Variants in ACSM2A observed in about 807,000 individuals in gnomAD.
The protein encoded by ACSM2A is acyl-CoA synthetase medium chain family member 2A.
ACSM2A carries 72 observed loss-of-function variants against 76.6 expected under a neutral mutation model. That is an observed-to-expected ratio of 0.94 (90% confidence interval 0.78 to 1.14). The LOEUF (loss-of-function observed/expected upper bound fraction) is 1.14. Among genes scored for constraint, ACSM2A ranks in the 50% most tolerant of loss-of-function variants. ACSM2A has a pLI of 0.00. For missense variants in ACSM2A, 684 were observed against 708.5 expected, an observed-to-expected ratio of 0.97 and a Z score of 0.39; for synonymous variants, 249 against 255.9, an observed-to-expected ratio of 0.97 and a Z score of 0.26.
chr16:20,483,284 T>C (rs1473217473), intron 13 of ACSM2A, 107 bp downstream of exon 13: 2 of 1,517,826 alleles, frequency 1.3e-6, no homozygotes, highest in Non-Finnish European at 1.8e-6. Flanking sequence ...TAAAAAGTCT[T>C]CCTGGCTGGG....
intron 8 of ACSM2A, chr16:20,476,439 T>C (rs759436873): frequency 8.2e-5 from 81 of 985,450 alleles, no homozygotes; most frequent in Non-Finnish European, 7.7e-5. Context: ...CTTCTTTGGC[T>C]AATGAGTACC....
At chr16:20,478,252 G>C (rs1634308) in intron 9 of ACSM2A, among the ~76,000 whole-genome samples, 57,297 of 151,964 alleles carry the variant, frequency 0.38, 12,163 homozygotes, top group East Asian at 0.79. Context: ...TTTGAGTTTT[G>C]ATCTGCCCGA....
intron 6 of ACSM2A, among the ~76,000 whole-genome samples, chr16:20,474,514 C>G (rs575114875): frequency 1.3e-5 from 2 of 152,236 alleles, no homozygotes; most frequent in East Asian, 1.9e-4. Context: ...CTTTCCAGCC[C>G]CTAGAACTGC....
intron 5 of ACSM2A, 57 bp downstream of exon 5, chr16:20,471,273 G>T (rs1324885418): frequency 1.9e-6 from 3 of 1,581,840 alleles, no homozygotes; most frequent in African/African-American, 2.7e-5. Context: ...GTTAGAAGGA[G>T]AATGAGACCC....
rs1349920050 is a variant in ACSM2A at position 20,473,676 on chromosome 16, C to T, written c.895-1686C>T. Among the ~76,000 whole-genome samples the T allele has an allele frequency of 2.6e-5, 4 of 152,136 alleles. No individual in the cohort carries two copies. The South Asian group carries it at 6.2e-4, about 24-fold the overall frequency. ...AAAAATAAAATCCTAAGGCCCCATC[C>T]CGCCAGCCATCTGAATGGACTTCCT... is the stretch of plus-strand genomic sequence containing the variant. On this transcript the variant is annotated intron_variant, in intron 6 of 13. Transcript: ENST00000573854.
chr16:20,465,201 A>G (rs2012905122), intron 2 of ACSM2A, among the ~76,000 whole-genome samples: 1 of 152,112 alleles, frequency 6.6e-6, no homozygotes, highest in African/African-American at 2.4e-5. Flanking sequence ...TTTCCTCATT[A>G]TTTTTTCATT....
At chr16:20,476,471 G>T (rs1263984416) in intron 8 of ACSM2A, 3 of 985,328 alleles carry the variant, frequency 3.0e-6, no homozygotes, top group Non-Finnish European at 2.4e-6. Context: ...TTTTGCAGAA[G>T]GTTGACGGCA....
At chr16:20,452,672 C>A (rs1328125223) in intron 1 of ACSM2A, among the ~76,000 whole-genome samples, 1 of 144,636 alleles carries the variant, frequency 6.9e-6, no homozygotes, top group Non-Finnish European at 1.5e-5. Context: ...GATTTTGGTA[C>A]CAGAAGTGGT....
At chr16:20,458,712 C>A in intron 1 of ACSM2A, among the ~76,000 whole-genome samples, 1 of 138,750 alleles carries the variant, frequency 7.2e-6, no homozygotes, top group Admixed American at 7.5e-5. Context: ...ATATCATCTT[C>A]CATGAAGTCC....
chr16:20,468,813 A>G (rs934567537), intron 3 of ACSM2A, among the ~76,000 whole-genome samples: 6 of 152,246 alleles, frequency 3.9e-5, no homozygotes, highest in African/African-American at 1.4e-4. Flanking sequence ...TAAATTGTAC[A>G]GCATGCTAAA....
rs1292641777 is a variant in ACSM2A, at chr16:20,485,086, T to C, written c.1630-1488T>C. On this transcript the variant is annotated intron_variant, in intron 13 of 13. Transcript: ENST00000573854. The stretch of plus-strand genomic sequence containing the variant: ...AATAATGCTGTTACCCCTTCACAGA[T>C]TGTTAAGGATGAGTTCATTTAAGAA... 3.3e-5 allele frequency among the ~76,000 whole-genome samples: 5 copies of C among 152,112 alleles called. No individual in the cohort carries two copies. In the South Asian group the frequency reaches 8.3e-4, roughly 25 times the overall value.
At chr16:20,477,792 T>C (rs1232759268) in intron 9 of ACSM2A, among the ~76,000 whole-genome samples, 1 of 152,210 alleles carries the variant, frequency 6.6e-6, no homozygotes, top group Non-Finnish European at 1.5e-5. Context: ...TAGGTAAGGA[T>C]CTTTTCAGTT....
intron 9 of ACSM2A, 142 bp from the exon 10 acceptor site, chr16:20,478,434 G>C: frequency 1.1e-6 from 1 of 898,542 alleles, no homozygotes; most frequent in Middle Eastern, 2.3e-4. Flanking sequence ...AAGACTCTTG[G>C]GTTCCCCTGG....
chr16:20,467,125 C>A (rs912585416), intron 3 of ACSM2A, among the ~76,000 whole-genome samples: 3 of 152,132 alleles, frequency 2.0e-5, no homozygotes, highest in Non-Finnish European at 4.4e-5. Flanking sequence ...TTTCCAAAGG[C>A]AGTTTCAAAG....
At chr16:20,456,752 C>T (rs2012180406) in intron 1 of ACSM2A, among the ~76,000 whole-genome samples, 1 of 148,712 alleles carries the variant, frequency 6.7e-6, no homozygotes, top group Non-Finnish European at 1.5e-5. Context: ...ACTAGACAAA[C>T]AAGAACAAAT....
Position 20,459,844 on chromosome 16 carries a change from C to T in ACSM2A, c.-8-263C>T, listed in dbSNP as rs375553032. On this transcript the variant is annotated intron_variant, in intron 1 of 13. Transcript: ENST00000573854. ...ATTTTAAGCACAAGGGGATTTATTA[C>T]ATGGAAATGGGCGTTCACAAAACTG... Among the ~76,000 whole-genome samples the T allele has an allele frequency of 1.1e-3, 169 of 152,254 alleles. 1 individual carries two copies. The highest frequency in any genetic ancestry group is 3.6e-3 in the African/African-American group (151 of 41,548).
At chr16:20,462,717 A>G (rs112173689) in intron 2 of ACSM2A, among the ~76,000 whole-genome samples, 2 of 152,312 alleles carry the variant, frequency 1.3e-5, no homozygotes, top group Non-Finnish European at 2.9e-5. Flanking sequence ...ACCCTTATGC[A>G]TCATGATGGG....
intron 1 of ACSM2A, among the ~76,000 whole-genome samples, chr16:20,455,156 G>T (rs1474059168): frequency 1.3e-5 from 2 of 150,976 alleles, no homozygotes; most frequent in Admixed American, 6.6e-5. Context: ...TGTGTTAAAT[G>T]ATCAAATCTA....
rs554125990 is a variant in ACSM2A at position 20,462,929 on chromosome 16, A to G, written c.178-2588A>G. Among the ~76,000 whole-genome samples the G allele has an allele frequency of 1.8e-3, 279 of 152,076 alleles. 2 individuals are homozygous for G. Among genetic ancestry groups the G allele is most frequent in the African/African-American group, 6.2e-3 (259 of 41,490 alleles). On this transcript the variant is annotated intron_variant, in intron 2 of 13. Transcript: ENST00000573854. ...GGAAGGTCAAACAGCCCAAATATCT[A>G]TCAACAAATAGACAAAAAATAAACC...
Sources: allele counts gnomAD v4.1 joint callset (sites outside exome capture counted in the v4.1 genomes callset), GRCh38; gene constraint gnomAD v4.1.1; transcripts MANE v1.5; gene names NCBI Gene and HGNC (gene_info 2026-07-23, HGNC 2026-07-21).